The following ZNF804B variants were observed in gnomAD, a reference collection of about 807,000 sequenced individuals.
ZNF804B encodes the protein zinc finger 804B.
In ZNF804B, 80 loss-of-function variants were observed where a neutral mutation model predicts 101.4. The observed-to-expected ratio is 0.79, with a 90% CI of 0.66 to 0.95. The LOEUF (loss-of-function observed/expected upper bound fraction) is 0.95, where lower values mean the gene tolerates loss of function less well. Ranked by LOEUF, ZNF804B falls within the 40% of genes least tolerant of loss-of-function variation. The pLI is 0.00. For synonymous variants in ZNF804B, 622 were observed against 558.8 expected (o/e 1.11, Z -1.59); for missense variants, 1,673 against 1,561.9 (o/e 1.07, Z -1.20).
chr7:88,816,897 G>C (rs1562801849), intron 1 of ZNF804B, among the ~76,000 whole-genome samples: 1 of 148,044 alleles, frequency 6.8e-6, no homozygotes, highest in Non-Finnish European at 1.5e-5. Flanking sequence ...ATACCCAAAG[G>C]ATTATAAATC....
intron 1 of ZNF804B, among the ~76,000 whole-genome samples, chr7:88,832,996 A>G (rs1211891022): frequency 6.6e-6 from 1 of 152,124 alleles, no homozygotes; most frequent in East Asian, 1.9e-4. Flanking sequence ...CAGTGCAGTG[A>G]GGCCAGGGCA....
At chr7:89,062,467 T>C (rs1039568562) in intron 1 of ZNF804B, among the ~76,000 whole-genome samples, 1 of 152,146 alleles carries the variant, frequency 6.6e-6, no homozygotes. Context: ...TGGCAGTCTC[T>C]CCAAAATGAC....
chr7:89,290,165 T>C (rs978995532), intron 2 of ZNF804B, among the ~76,000 whole-genome samples: 15 of 152,082 alleles, frequency 9.9e-5, no homozygotes, highest in African/African-American at 3.6e-4. Flanking sequence ...GGAGGATCTA[T>C]CACTTCCTAA....
intron 1 of ZNF804B, among the ~76,000 whole-genome samples, chr7:89,210,376 G>C (rs576938139): frequency 1.5e-4 from 23 of 152,092 alleles, no homozygotes; most frequent in African/African-American, 5.5e-4. Flanking sequence ...ACATGCGCAG[G>C]ATGTGCAGGT....
At chr7:88,981,930 A>G (rs1215275422) in intron 1 of ZNF804B, among the ~76,000 whole-genome samples, 1 of 152,016 alleles carries the variant, frequency 6.6e-6, no homozygotes, top group Non-Finnish European at 1.5e-5. Context: ...TTTCCTTGAT[A>G]TGATGTTAAA....
chr7:89,256,679 G>C (rs1286292662), intron 2 of ZNF804B, among the ~76,000 whole-genome samples: 1 of 152,088 alleles, frequency 6.6e-6, no homozygotes, highest in Non-Finnish European at 1.5e-5. Flanking sequence ...AGGATGCATA[G>C]GATATTATTT....
intron 1 of ZNF804B, chr7:88,794,453 A>G: frequency 6.2e-7 from 1 of 1,613,886 alleles, no homozygotes. Context: ...AGGGACTGTG[A>G]CTGTGTCACA....
intron 2 of ZNF804B, among the ~76,000 whole-genome samples, chr7:89,284,193 C>A (rs1323967112): frequency 6.6e-6 from 1 of 152,184 alleles, no homozygotes; most frequent in African/African-American, 2.4e-5. Flanking sequence ...TAGCAACTTC[C>A]TGTTGCTATT....
rs1027138480 is a variant in ZNF804B at position 89,021,066 on chromosome 7, A to G, written c.109-197089A>G. Among the ~76,000 whole-genome samples, 12 of 152,114 alleles carry G rather than the reference A, an allele frequency of 7.9e-5. No individual in the cohort carries two copies. The East Asian group carries it at 1.5e-3, about 20-fold the overall frequency. Reference sequence around the variant, plus strand: ...GGCATCCCTACACTGATATCTATACATGTGGTAGAATAGTCATCTTTTCCA... The same window carrying G: ...GGCATCCCTACACTGATATCTATACGTGTGGTAGAATAGTCATCTTTTCCA... On this transcript the variant is annotated intron_variant, in intron 1 of 3. Transcript: ENST00000333190.
chr7:88,809,358 CCTAT>C (rs1251571668), intron 1 of ZNF804B, among the ~76,000 whole-genome samples: 13 of 140,346 alleles, frequency 9.3e-5, no homozygotes, highest in African/African-American at 3.2e-4. Flanking sequence ...TATCTATCTA[CCTAT>C]CTATCTACCT....
intron 1 of ZNF804B, among the ~76,000 whole-genome samples, chr7:89,040,599 C>G (rs773949398): frequency 1.3e-5 from 2 of 152,116 alleles, no homozygotes; most frequent in Non-Finnish European, 2.9e-5. Context: ...ATTTGCCAGA[C>G]AGTTTGTAGA....
At chr7:89,219,568 T>C (rs73705780) in intron 2 of ZNF804B, among the ~76,000 whole-genome samples, 1 of 151,646 alleles carries the variant, frequency 6.6e-6, no homozygotes, top group Non-Finnish European at 1.5e-5. Flanking sequence ...ATTGTTCTCA[T>C]CTGGTTAGAT....
chr7:88,821,087 GC>G (rs1790973979), intron 1 of ZNF804B, among the ~76,000 whole-genome samples: 2 of 152,062 alleles, frequency 1.3e-5, no homozygotes, highest in Admixed American at 1.3e-4. Flanking sequence ...TGTGAATTTG[GC>G]CTACAGAAGG....
chr7:88,804,006 A>G (rs1790647271), intron 1 of ZNF804B, among the ~76,000 whole-genome samples: 2 of 152,110 alleles, frequency 1.3e-5, no homozygotes, highest in Admixed American at 1.3e-4. Flanking sequence ...CTGCAGGAGA[A>G]ACGTTTAAAA....
At chr7:88,943,372 C>A (rs986111446) in intron 1 of ZNF804B, among the ~76,000 whole-genome samples, 3 of 151,824 alleles carry the variant, frequency 2.0e-5, no homozygotes, top group African/African-American at 7.2e-5. Flanking sequence ...ACCACAATAT[C>A]CTTTCCATAT....
chr7:88,875,744 G>A (rs1791926135), intron 1 of ZNF804B, among the ~76,000 whole-genome samples: 1 of 152,082 alleles, frequency 6.6e-6, no homozygotes, highest in African/African-American at 2.4e-5. Flanking sequence ...AGGAGGAACT[G>A]GTACCATTCC....
At chr7:89,333,263 A>T in intron 3 of ZNF804B, 100 bp from the exon 4 acceptor site, 1 of 1,188,558 alleles carries the variant, frequency 8.4e-7, no homozygotes, top group Non-Finnish European at 1.1e-6. Flanking sequence ...AGCTCATAAA[A>T]TGTAAAATAA....
chr7:89,196,925 C>T (rs183057087), intron 1 of ZNF804B, among the ~76,000 whole-genome samples: 154 of 152,154 alleles, frequency 1.0e-3, no homozygotes, highest in Admixed American at 2.1e-3. Flanking sequence ...GAGAGAGCAT[C>T]TCACGCCAAT....
At chr7:89,251,210 A>T (rs528324605) in intron 2 of ZNF804B, among the ~76,000 whole-genome samples, 1 of 152,226 alleles carries the variant, frequency 6.6e-6, no homozygotes, top group African/African-American at 2.4e-5. Context: ...CTCTACAAAA[A>T]GGTTCTTGGA....
Sources: allele counts gnomAD v4.1 joint callset (sites outside exome capture counted in the v4.1 genomes callset), GRCh38; gene constraint gnomAD v4.1.1; transcripts MANE v1.5; gene names NCBI Gene and HGNC (gene_info 2026-07-23, HGNC 2026-07-21).